ACSL3: variants seen among roughly 807,000 people sequenced by gnomAD.
ACSL3 encodes fatty acid CoA ligase Acsl3.
ACSL3 carries 34 observed loss-of-function variants against 84.7 expected under a neutral mutation model. The ratio of observed to expected loss-of-function variants is 0.40; its 90% CI spans 0.31 to 0.53. The LOEUF (loss-of-function observed/expected upper bound fraction) is 0.53, where lower values mean the gene tolerates loss of function less well. Ranked by LOEUF, ACSL3 falls within the 20% of genes least tolerant of loss-of-function variation. The pLI is 0.48. For synonymous variants in ACSL3, 315 were observed against 299.4 expected, an observed-to-expected ratio of 1.05 and a Z score of -0.54; for missense variants, 680 against 873.1, an observed-to-expected ratio of 0.78 and a Z score of 2.79.
chr2:222,916,028 G>A (rs957004322), intron 4 of ACSL3, among the ~76,000 whole-genome samples: 5 of 152,052 alleles, frequency 3.3e-5, no homozygotes, highest in Non-Finnish European at 5.9e-5. Flanking sequence ...ATTTGGCCAG[G>A]CAGTTGACCT....
At chr2:222,888,849 T>C (rs1695779671) in intron 2 of ACSL3, among the ~76,000 whole-genome samples, 1 of 152,212 alleles carries the variant, frequency 6.6e-6, no homozygotes, top group Admixed American at 6.5e-5. Flanking sequence ...AAAAGGAATA[T>C]ACTTTGTCCA....
intron 4 of ACSL3, among the ~76,000 whole-genome samples, chr2:222,915,751 A>C (rs1291593364): frequency 6.6e-6 from 1 of 152,214 alleles, no homozygotes; most frequent in Non-Finnish European, 1.5e-5. Flanking sequence ...CTGGTTATGT[A>C]AACAGAAACT....
intron 1 of ACSL3, among the ~76,000 whole-genome samples, chr2:222,881,872 T>A (rs1483347692): frequency 1.3e-5 from 2 of 152,212 alleles, no homozygotes; most frequent in Non-Finnish European, 2.9e-5. Flanking sequence ...CTTATGCCTG[T>A]TAAATATAGA....
chr2:222,872,846 G>A (rs925246108), intron 1 of ACSL3, among the ~76,000 whole-genome samples: 1 of 151,994 alleles, frequency 6.6e-6, no homozygotes, highest in Admixed American at 6.6e-5. Context: ...GCAATGTGGG[G>A]TGGGGTGGGA....
At chr2:222,885,427 A>C (rs546888652) in intron 1 of ACSL3, among the ~76,000 whole-genome samples, 1 of 152,132 alleles carries the variant, frequency 6.6e-6, no homozygotes, top group Non-Finnish European at 1.5e-5. Flanking sequence ...ATACTGTTTT[A>C]ATTTGTATTT....
chr2:222,906,676 G>A (rs537793958), intron 3 of ACSL3, among the ~76,000 whole-genome samples: 2 of 151,060 alleles, frequency 1.3e-5, no homozygotes, highest in Admixed American at 6.6e-5. Context: ...GTGCAGTGGC[G>A]CTATCTCTGC....
chr2:222,876,168 A>G (rs1695442166), intron 1 of ACSL3, among the ~76,000 whole-genome samples: 1 of 152,224 alleles, frequency 6.6e-6, no homozygotes. Flanking sequence ...TGGGATTAAT[A>G]AGCAGGGGAA....
intron 11 of ACSL3, among the ~76,000 whole-genome samples, chr2:222,924,817 A>T (rs1265634445): frequency 1.1e-4 from 17 of 152,036 alleles, no homozygotes; most frequent in Non-Finnish European, 1.5e-5. Context: ...AGGTCAGGAG[A>T]TCGAGACCAT....
chr2:222,942,719 A>G lies in ACSL3; in HGVS notation c.*1065A>G. 1 of 212,568 alleles carries G rather than the reference A, an allele frequency of 4.7e-6. No individual in the cohort carries two copies. Among genetic ancestry groups the G allele is most frequent in the Non-Finnish European group, 9.5e-6 (1 of 105,082 alleles). 13.2% of individuals were successfully genotyped at this position (212,568 alleles called of 1,614,324 possible). Reference sequence around the variant, plus strand: ...TGAGTCAGTGGTAGCTTATTTAAAAAGCACCTTATCCTTTCTCCCATAACC... The same window carrying G: ...TGAGTCAGTGGTAGCTTATTTAAAAGGCACCTTATCCTTTCTCCCATAACC... On this transcript the variant is annotated 3_prime_UTR_variant, in exon 17 of 17. Coordinates refer to ENST00000357430, the MANE Select transcript of ACSL3 (RefSeq NM_004457.5).
rs542603653 is a variant in ACSL3 at position 222,879,002 on chromosome 2, T to C, written c.-206-8828T>C. 2.6e-5 allele frequency among the ~76,000 whole-genome samples: 4 copies of C among 152,222 alleles called. No homozygotes were observed. The South Asian group carries it at 8.3e-4, about 32-fold the overall frequency. ...TTATTTTCTGTGTTGACCCAAGTAA[T>C]CATTCTTAAAAAAAACAACAACACA... is the stretch of plus-strand genomic sequence containing the variant. On this transcript the variant is annotated intron_variant, in intron 1 of 16. Transcript: ENST00000357430.
At chr2:222,929,479 T>C (rs1303079801) in intron 13 of ACSL3, among the ~76,000 whole-genome samples, 1 of 152,030 alleles carries the variant, frequency 6.6e-6, no homozygotes, top group Non-Finnish European at 1.5e-5. Context: ...TTCCTCTACA[T>C]TAAGTAAAGA....
intron 3 of ACSL3, chr2:222,904,501 G>C (rs1431324141): frequency 2.0e-5 from 3 of 152,228 alleles, no homozygotes; most frequent in Non-Finnish European, 4.4e-5. Flanking sequence ...TGTTTTCTTA[G>C]GCATTAGCAT....
intron 4 of ACSL3, among the ~76,000 whole-genome samples, chr2:222,914,234 C>CGTGTGTGTGTGTGTGTGTGT (rs57546680): frequency 1.3e-4 from 18 of 140,160 alleles, no homozygotes; most frequent in African/African-American, 4.6e-4. Flanking sequence ...TGTGTGTGTA[C>CGTGTGTGTGTGTGTGTGTGT]GTGTGTGTGT....
At chr2:222,875,346 G>C (rs1473472684) in intron 1 of ACSL3, among the ~76,000 whole-genome samples, 1 of 152,048 alleles carries the variant, frequency 6.6e-6, no homozygotes, top group East Asian at 1.9e-4. Context: ...AAAACCTTTG[G>C]AGTGGTGGGT....
At chr2:222,877,471 G>A (rs553958843) in intron 1 of ACSL3, among the ~76,000 whole-genome samples, 6 of 152,260 alleles carry the variant, frequency 3.9e-5, no homozygotes, top group African/African-American at 1.2e-4. Context: ...TAGCACATTC[G>A]TAGATTTACT....
rs573490201 is a variant in ACSL3 at position 222,927,414 on chromosome 2, A to G, written c.1465+225A>G. On this transcript the variant is annotated intron_variant, in intron 12 of 16. Coordinates refer to ENST00000357430, the MANE Select transcript of ACSL3 (RefSeq NM_004457.5). ...AGTTTTTATATCAAACTGATAGGTA[A>G]TATTAAAAACCACTTAGCATTTTGG... is the stretch of plus-strand genomic sequence containing the variant. 2.3e-4 allele frequency among the ~76,000 whole-genome samples: 35 copies of G among 152,366 alleles called. 1 individual carries two copies. In the South Asian group the frequency reaches 7.2e-3, roughly 32 times the overall value.
chr2:222,941,172 C>T (rs1436091339), intron 16 of ACSL3, among the ~76,000 whole-genome samples: 1 of 152,118 alleles, frequency 6.6e-6, no homozygotes, highest in Admixed American at 6.5e-5. Context: ...TCAAGCGATC[C>T]TCCTGCCTGA....
rs1696726796 is a variant in ACSL3 at position 222,921,287 on chromosome 2, A to G, written c.813A>G (p.Gln271=). The G allele has an allele frequency of 6.3e-7, 1 of 1,592,126 alleles. No individual in the cohort carries two copies. Residue 271 remains glutamine, a synonymous_variant, in exon 8 of 17, where the codon CAA becomes CAG. Coordinates refer to ENST00000357430, the MANE Select transcript of ACSL3 (RefSeq NM_004457.5). ...TTTTTCTCTTCAATGCAGAAAACCA[A>G]CCTCATAGCAAACCATTGCCCTCAG... is the stretch of plus-strand genomic sequence containing the variant. ...ALGAKASMEN[Q]PHSKPLPSDI...
chr2:222,879,035 G>C (rs1240906727), intron 1 of ACSL3, among the ~76,000 whole-genome samples: 1 of 152,158 alleles, frequency 6.6e-6, no homozygotes, highest in Non-Finnish European at 1.5e-5. Flanking sequence ...ACACATTTAG[G>C]ACTGGGAACA....
Sources: allele counts gnomAD v4.1 joint callset (sites outside exome capture counted in the v4.1 genomes callset), GRCh38; gene constraint gnomAD v4.1.1; transcripts MANE v1.5; gene names NCBI Gene and HGNC (gene_info 2026-07-23, HGNC 2026-07-21).